CELSR1: variants seen among roughly 807,000 people sequenced by gnomAD.
CELSR1 encodes the protein adhesion G protein-coupled receptor C1.
CELSR1 carries 110 observed loss-of-function variants against 249.1 expected under a neutral mutation model. The ratio of observed to expected loss-of-function variants is 0.44; its 90% CI spans 0.38 to 0.52. The LOEUF (loss-of-function observed/expected upper bound fraction) is 0.52, where lower values mean the gene tolerates loss of function less well. CELSR1 is among the 20% of genes least tolerant of loss of function. The pLI is 0.00. For synonymous variants in CELSR1, 2,113 were observed against 1,900.0 expected (o/e 1.11, Z -2.92); for missense variants, 4,109 against 4,296.4 (o/e 0.96, Z 1.22).
chr22:46,365,234 T>C lies in CELSR1; in HGVS notation c.8551A>G (p.Lys2851Glu). The part of the protein sequence containing the change: ...PARGAVHSTP[K>E]GDAVANHVPA... ...CCAATGTGCCCCACACACTCACCTT[T>C]GGGGGTGCTGTGGACGGCGCCCCTG... Residue 2851 changes from lysine to glutamate, a missense_variant, in exon 32 of 35, where the codon AAA (lysine) becomes GAA (glutamate). Lys to Glu is a moderately conservative substitution (Grantham distance 56). Around this residue, in one of 7 missense-constraint regions of CELSR1, gnomAD observed 1,805 missense variants for 1,831.6 expected, o/e 0.99. Transcript: ENST00000674500. The C allele has an allele frequency of 3.7e-6, 6 of 1,611,592 alleles. No homozygotes were observed. The highest frequency in any genetic ancestry group is 4.2e-6 in the Non-Finnish European group (5 of 1,179,816).
chr22:46,391,642 C>G lies in CELSR1; in HGVS notation c.6139G>C (p.Gly2047Arg). The G allele has an allele frequency of 1.2e-6, 2 of 1,600,576 alleles. No individual in the cohort carries two copies. Among genetic ancestry groups the G allele is most frequent in the Non-Finnish European group, 1.7e-6 (2 of 1,176,366 alleles). Residue 2047 changes from glycine to arginine, a missense_variant, in exon 15 of 35, where the codon GGC becomes CGC. By Grantham distance (125) the Gly-to-Arg change is moderately radical (BLOSUM62 -2). This residue lies in a region of CELSR1 where 1,805 missense variants were observed against 1,831.6 expected (regional missense o/e 0.99). Coordinates refer to ENST00000674500, the MANE Select transcript of CELSR1 (RefSeq NM_001378328.1). This position sits in a 1 kb window ranked among gnomAD's most constrained non-coding sequence, Gnocchi z 4.3. ...DNPFAEVTTLGCEVIYNGCPK... is the reference protein window; with the variant it reads ...DNPFAEVTTLRCEVIYNGCPK... ...GAGGGGCAACGCGGACCTTCACAGC[C>G]GAGCGTGGTGACCTCGGCAAACGGG...
Position 46,398,610 on chromosome 22 carries a change from G to C in CELSR1, c.5440C>G (p.Pro1814Ala). Residue 1814 changes from proline to alanine, a missense_variant, in exon 11 of 35, where the codon CCC (proline) becomes GCC (alanine). By Grantham distance (27) the Pro-to-Ala change is conservative (BLOSUM62 -1). Around this residue, in one of 7 missense-constraint regions of CELSR1, gnomAD observed 1,805 missense variants for 1,831.6 expected, o/e 0.99. Coordinates refer to ENST00000674500, the MANE Select transcript of CELSR1 (RefSeq NM_001378328.1). This position sits in a 1 kb window ranked among gnomAD's most constrained non-coding sequence, Gnocchi z 7.2. ...QNKADIGGMLPGLTVRSVVVG... is the reference protein window; with the variant it reads ...QNKADIGGMLAGLTVRSVVVG... ...ACCACGCTCCTTACCGTCAGCCCGG[G>C]AAGCATGCCCCCGATATCTGCCTTG... 1 of 1,613,978 alleles carries C rather than the reference G, an allele frequency of 6.2e-7. No individual in the cohort carries two copies. Among genetic ancestry groups the C allele is most frequent in the Non-Finnish European group, 8.5e-7 (1 of 1,179,968 alleles).
At chr22:46,479,844 C>CG (rs1569192988) in intron 1 of CELSR1, among the ~76,000 whole-genome samples, 1 of 151,550 alleles carries the variant, frequency 6.6e-6, no homozygotes, top group South Asian at 2.1e-4. Context: ...TATTTGGTAA[C>CG]GGGGGCTGCC....
At chr22:46,457,231 G>C (rs547766665) in intron 2 of CELSR1, among the ~76,000 whole-genome samples, 2 of 152,136 alleles carry the variant, frequency 1.3e-5, no homozygotes, top group Non-Finnish European at 2.9e-5. Context: ...TGTAATCCCA[G>C]CTACTCGGGA....
In CELSR1 at chr22:46,401,039, AAGGATCAATCGCTTC is replaced by A. The variant is rs1325278215; in HGVS notation, c.5227-1152_5227-1138del. ...ATTGCTTGTCTTATTCTACGGGAAA[AAGGATCAATCGCTTC>A]ATGGAGGTCAAGTAAGGGAAGCGCC... is the stretch of plus-strand genomic sequence containing the variant. On this transcript the variant is annotated intron_variant, in intron 9 of 34. Coordinates refer to ENST00000674500, the MANE Select transcript of CELSR1 (RefSeq NM_001378328.1). The surrounding 1 kb of genome is among the most constrained non-coding windows in gnomAD (Gnocchi z 4.7). Among the ~76,000 whole-genome samples the A allele has an allele frequency of 3.3e-5, 5 of 152,186 alleles. No individual in the cohort carries two copies. Among genetic ancestry groups the A allele is most frequent in the African/African-American group, 1.2e-4 (5 of 41,442 alleles).
chr22:46,435,991 G>T (rs915806567), intron 4 of CELSR1, among the ~76,000 whole-genome samples, 183 bp downstream of exon 4: 3 of 152,170 alleles, frequency 2.0e-5, no homozygotes, highest in Admixed American at 6.5e-5. Context: ...GAGCCACCAC[G>T]CCCGGCCTGT....
chr22:46,487,423 C>A (rs911345921), intron 1 of CELSR1, among the ~76,000 whole-genome samples: 1 of 147,122 alleles, frequency 6.8e-6, no homozygotes, highest in East Asian at 2.0e-4. Context: ...CCTGTGTGTA[C>A]GAGGCTGAGA....
At chr22:46,386,342 G>T in intron 19 of CELSR1, 60 bp downstream of exon 19, 1 of 1,441,730 alleles carries the variant, frequency 6.9e-7, no homozygotes, top group Admixed American at 2.8e-5. Flanking sequence ...TGGGGGCCTA[G>T]CTCTGGGGCA....
In CELSR1 at chr22:46,484,709, G is replaced by A. The variant is rs751332646; in HGVS notation, c.3545-20364C>T. 1.2e-4 allele frequency among the ~76,000 whole-genome samples: 16 copies of A among 137,668 alleles called. No homozygotes were observed. Among genetic ancestry groups the A allele is most frequent in the Non-Finnish European group, 2.2e-4 (14 of 64,034 alleles). 90.3% of individuals were successfully genotyped at this position (137,668 alleles called of 152,430 possible). A position where few individuals can be genotyped will look rare whatever the true frequency, so the allele number is the denominator to read the frequency against. ...GGCCATCAGAGATGCTGGAGTGAGCGCTCACAGGGACCCCGCCCAGGTGCT... is the reference window on the plus strand; with the variant it reads ...GGCCATCAGAGATGCTGGAGTGAGCACTCACAGGGACCCCGCCCAGGTGCT... On this transcript the variant is annotated intron_variant, in intron 1 of 34. Transcript: ENST00000674500. The surrounding 1 kb of genome is among the most constrained non-coding windows in gnomAD (Gnocchi z 4.5).
chr22:46,469,679 C>T (rs2080133966), intron 1 of CELSR1, among the ~76,000 whole-genome samples: 1 of 151,696 alleles, frequency 6.6e-6, no homozygotes, highest in Admixed American at 6.6e-5. Flanking sequence ...CCACGCCTGG[C>T]TAATTTTTGT....
Position 46,527,535 on chromosome 22 carries a change from GC to G in CELSR1, c.3544+6091del, listed in dbSNP as rs1033555024. Among the ~76,000 whole-genome samples, 4 of 152,176 alleles carry G rather than the reference GC, an allele frequency of 2.6e-5. No homozygotes were observed. The highest frequency in any genetic ancestry group is 9.7e-5 in the African/African-American group (4 of 41,446). On this transcript the variant is annotated intron_variant, in intron 1 of 34. Coordinates refer to ENST00000674500, the MANE Select transcript of CELSR1 (RefSeq NM_001378328.1). This position sits in a 1 kb window ranked among gnomAD's most constrained non-coding sequence, Gnocchi z 5.5. Reference sequence around the variant, plus strand: ...TGTCACCACTCTACCCCTGAGCTCAGCCCCCTTGCTCATCGGATGGTCCATC... The same window carrying G: ...TGTCACCACTCTACCCCTGAGCTCAGCCCCTTGCTCATCGGATGGTCCATC...
At chr22:46,514,375 C>T (rs2147775234) in intron 1 of CELSR1, among the ~76,000 whole-genome samples, 1 of 152,328 alleles carries the variant, frequency 6.6e-6, no homozygotes, top group African/African-American at 2.4e-5. Flanking sequence ...GAAGCTCTTC[C>T]ACCCAGACGT....
In CELSR1 at chr22:46,430,983, T is replaced by C. The variant is rs894353848; in HGVS notation, c.4611+2410A>G. On this transcript the variant is annotated intron_variant, in intron 5 of 34. Transcript: ENST00000674500. This position sits in a 1 kb window ranked among gnomAD's most constrained non-coding sequence, Gnocchi z 4.6. Reference sequence around the variant, plus strand: ...CGCCTGAAGACACAGTAAAAACTGGTTGGTTTCCTCCATCAAATAACCTCA... The same window carrying C: ...CGCCTGAAGACACAGTAAAAACTGGCTGGTTTCCTCCATCAAATAACCTCA... 3.3e-5 allele frequency among the ~76,000 whole-genome samples: 5 copies of C among 152,182 alleles called. No homozygotes were observed. Among genetic ancestry groups the C allele is most frequent in the Non-Finnish European group, 7.3e-5 (5 of 68,028 alleles).
rs145168878 is a variant in CELSR1 at position 46,430,685 on chromosome 22, G to T, written c.4611+2708C>A. Among the ~76,000 whole-genome samples, 15 of 152,292 alleles carry T rather than the reference G, an allele frequency of 9.8e-5. No individual in the cohort carries two copies. In the East Asian group the frequency reaches 2.7e-3, roughly 27 times the overall value. Reference sequence around the variant, plus strand: ...AGGTGACATTGGAGACAAAGTGGAGGCCCAGAGAGCAGAGGAACCAGCCCC... The same window carrying T: ...AGGTGACATTGGAGACAAAGTGGAGTCCCAGAGAGCAGAGGAACCAGCCCC... On this transcript the variant is annotated intron_variant, in intron 5 of 34. Transcript: ENST00000674500. This position sits in a 1 kb window ranked among gnomAD's most constrained non-coding sequence, Gnocchi z 4.6.
At position 46,396,484 on chromosome 22, in the gene CELSR1, T is replaced by C. The variant is rs2079148826; in HGVS notation, c.5843+121A>G. The stretch of plus-strand genomic sequence containing the variant: ...TCATGCCAAATTAAAAAAAAATATG[T>C]CCCTGTTACCCAGAATCACACATAT... On this transcript the variant is annotated intron_variant, in intron 13 of 34. Transcript: ENST00000674500. This position sits in a 1 kb window ranked among gnomAD's most constrained non-coding sequence, Gnocchi z 6.4. 4 of 1,040,686 alleles carry C rather than the reference T, an allele frequency of 3.8e-6. No individual in the cohort carries two copies. In the East Asian group the frequency reaches 1.2e-4, roughly 32 times the overall value. 64.5% of individuals were successfully genotyped at this position (1,040,686 alleles called of 1,614,324 possible). A position where few individuals can be genotyped will look rare whatever the true frequency, so the allele number is the denominator to read the frequency against.
chr22:46,367,789 C>A lies in CELSR1; in HGVS notation c.8019G>T (p.Leu2673=). The A allele has an allele frequency of 6.2e-7, 1 of 1,611,254 alleles. No individual in the cohort carries two copies. The highest frequency in any genetic ancestry group is 2.2e-5 in the East Asian group (1 of 44,834). ...AGCTCAGTGCATCGCGGTTCACAGC[C>A]AGCAGCCCCAGCAGCCAGGTGGCGC... ...LISATWLLGL[L]AVNRDALSFH... is the part of the protein sequence containing the mutation. Residue 2673 remains leucine, a synonymous_variant, in exon 28 of 35, where the codon CTG becomes CTT. Coordinates refer to ENST00000674500, the MANE Select transcript of CELSR1 (RefSeq NM_001378328.1).
At position 46,447,231 on chromosome 22, in the gene CELSR1, G is replaced by C. The variant is rs949203002; in HGVS notation, c.4184-7820C>G. Among the ~76,000 whole-genome samples the C allele has an allele frequency of 1.3e-5, 2 of 152,064 alleles. No homozygotes were observed. Among genetic ancestry groups the C allele is most frequent in the Non-Finnish European group, 2.9e-5 (2 of 68,018 alleles). On this transcript the variant is annotated intron_variant, in intron 2 of 34. Transcript: ENST00000674500. This position sits in a 1 kb window ranked among gnomAD's most constrained non-coding sequence, Gnocchi z 4.7. ...TTCTAAAATCATCTGAAGGTAAATA[G>C]GTCAAATTTAGTGAGCTCTGTGTCT...
intron 1 of CELSR1, among the ~76,000 whole-genome samples, chr22:46,480,067 C>T (rs2080251295): frequency 6.6e-6 from 1 of 152,184 alleles, no homozygotes; most frequent in Non-Finnish European, 1.5e-5. Context: ...AATCAAGTAG[C>T]CAAATGCTCC....
chr22:46,521,443 T>C (rs1255166301), intron 1 of CELSR1, among the ~76,000 whole-genome samples: 6 of 149,372 alleles, frequency 4.0e-5, no homozygotes, highest in Non-Finnish European at 7.4e-5. Context: ...AGGCGGAGCT[T>C]GCAGTGAGCC....
Sources: allele counts gnomAD v4.1 joint callset (sites outside exome capture counted in the v4.1 genomes callset), GRCh38; gene constraint gnomAD v4.1.1; regional missense constraint gnomAD v4.1.1; non-coding constraint Gnocchi (gnomAD v3.1); transcripts MANE v1.5; gene names NCBI Gene and HGNC (gene_info 2026-07-23, HGNC 2026-07-21).